MPP2: variants seen among roughly 807,000 people sequenced by gnomAD.
MPP2 encodes MAGUK p55 subfamily member 2.
Under a neutral mutation model 58.5 loss-of-function variants are expected in MPP2, and 42 were observed. The observed-to-expected ratio is 0.72, with a 90% CI of 0.56 to 0.93. The LOEUF is 0.93. MPP2 is among the 40% of genes least tolerant of loss of function. The probability of loss-of-function intolerance (pLI) is 0.00; values close to 1 mark genes in which losing one functional copy is unlikely to be tolerated. For synonymous variants in MPP2, 300 were observed against 307.8 expected, an observed-to-expected ratio of 0.97 and a Z score of 0.26; for missense variants, 632 against 760.4, an observed-to-expected ratio of 0.83 and a Z score of 1.99.
Position 43,897,836 on chromosome 17 carries a change from C to T in MPP2, c.150+426G>A, listed in dbSNP as rs2143735241. 2.0e-5 allele frequency among the ~76,000 whole-genome samples: 3 copies of T among 152,322 alleles called. No individual in the cohort carries two copies. The South Asian group carries it at 6.2e-4, about 32-fold the overall frequency. On this transcript the variant is annotated intron_variant, in intron 3 of 12. Coordinates refer to ENST00000269095, the MANE Select transcript of MPP2 (RefSeq NM_005374.5). Reference sequence around the variant, plus strand: ...CTCCCAAAATGCATAGTGTATCCACCTCTATCACTGTCATTACCAAATTGT... The same window carrying T: ...CTCCCAAAATGCATAGTGTATCCACTTCTATCACTGTCATTACCAAATTGT...
At chr17:43,888,010 A>G (rs1205459914) in intron 3 of MPP2, among the ~76,000 whole-genome samples, 1 of 152,178 alleles carries the variant, frequency 6.6e-6, no homozygotes, top group Non-Finnish European at 1.5e-5. Flanking sequence ...TTGAATGTTG[A>G]AGTGGGGTGC....
Position 43,880,888 on chromosome 17 carries a change from C to A in MPP2, c.989-36G>T. 1.3e-6 allele frequency: 2 copies of A among 1,576,548 alleles called. No homozygotes were observed. The highest frequency in any genetic ancestry group is 1.7e-6 in the Non-Finnish European group (2 of 1,158,804). ...GGAGATGGCGCTGCTCACCAGGCTG[C>A]ACGGTGAGGGAGGGGCGGAGCTCTC... On this transcript the variant is annotated intron_variant, in intron 9 of 12. Coordinates refer to ENST00000269095, the MANE Select transcript of MPP2 (RefSeq NM_005374.5). The surrounding 1 kb of genome is among the most constrained non-coding windows in gnomAD (Gnocchi z 5.2).
At chr17:43,887,898 A>AT in intron 3 of MPP2, among the ~76,000 whole-genome samples, 1 of 152,310 alleles carries the variant, frequency 6.6e-6, no homozygotes, top group East Asian at 1.9e-4. Flanking sequence ...ACAATGAAAC[A>AT]CTTGCAGATA....
At chr17:43,898,541 T>C (rs529312881) in intron 2 of MPP2, among the ~76,000 whole-genome samples, 161 bp from the exon 3 acceptor site, 1 of 101,708 alleles carries the variant, frequency 9.8e-6, no homozygotes, top group South Asian at 3.7e-4. Flanking sequence ...CCCCAGGCCC[T>C]TGAATGCCTG....
At chr17:43,883,625 T>C (rs980252023) in intron 3 of MPP2, among the ~76,000 whole-genome samples, 2 of 152,118 alleles carry the variant, frequency 1.3e-5, no homozygotes, top group African/African-American at 4.8e-5. Flanking sequence ...AGAGGGTCAT[T>C]AGAAGTTACC....
At position 43,896,256 on chromosome 17, in the gene MPP2, G is replaced by A. The variant is rs78812567; in HGVS notation, c.150+2006C>T. Among the ~76,000 whole-genome samples the A allele has an allele frequency of 4.8e-3, 735 of 152,104 alleles. 20 individuals carry two copies. In the East Asian group the frequency reaches 0.056, roughly 12 times the overall value. On this transcript the variant is annotated intron_variant, in intron 3 of 12. Transcript: ENST00000269095. ...TCTCCCCACCCTGACGCCTGCCATA[G>A]CCCTACATGCCAATAGGTGTGTGGA...
rs574486823 is a variant in MPP2 at position 43,881,009 on chromosome 17, G to A, written c.988+81C>T. ...CTGGCAGCATCTGAGCCAGGCACAC[G>A]TCGTCACAGGTGATGGGTGGGGACA... On this transcript the variant is annotated intron_variant, in intron 9 of 12. Coordinates refer to ENST00000269095, the MANE Select transcript of MPP2 (RefSeq NM_005374.5). The A allele has an allele frequency of 9.0e-6, 14 of 1,555,190 alleles. No homozygotes were observed. In the East Asian group the frequency reaches 1.1e-4, roughly 12 times the overall value.
rs776391063 is a variant in MPP2 at position 43,877,793 on chromosome 17, C to G, written c.*14G>C. The G allele has an allele frequency of 2.6e-5, 42 of 1,608,096 alleles. No individual in the cohort carries two copies. Among genetic ancestry groups the G allele is most frequent in the Non-Finnish European group, 8.5e-7 (1 of 1,175,316 alleles). On this transcript the variant is annotated 3_prime_UTR_variant, in exon 13 of 13. Coordinates refer to ENST00000269095, the MANE Select transcript of MPP2 (RefSeq NM_005374.5). ...GTTTCAACACAGAGTGAGCCAAAGACCAGGTGAACAGGCTCAGTACACCCA... is the reference window on the plus strand; with the variant it reads ...GTTTCAACACAGAGTGAGCCAAAGAGCAGGTGAACAGGCTCAGTACACCCA...
intron 1 of MPP2, chr17:43,906,993 G>GCGC (rs2048317638): frequency 5.3e-6 from 1 of 189,246 alleles, no homozygotes; most frequent in Non-Finnish European, 9.8e-6. Flanking sequence ...GAGAAGCAGC[G>GCGC]CGCGCCCTTC....
rs2046998852 is a variant in MPP2 at position 43,879,407 on chromosome 17, C to T, written c.1354-4G>A. ...CCGTTCGTAGCACCTTCACCGCCTG[C>T]AGAAGGAGAAGGCAAGGTAGGGAGT... On this transcript the variant is annotated splice_region_variant and splice_polypyrimidine_tract_variant and intron_variant, in intron 11 of 12. Coordinates refer to ENST00000269095, the MANE Select transcript of MPP2 (RefSeq NM_005374.5). The surrounding 1 kb of genome is among the most constrained non-coding windows in gnomAD (Gnocchi z 4.1). 2 of 1,613,984 alleles carry T rather than the reference C, an allele frequency of 1.2e-6. No individual in the cohort carries two copies. The highest frequency in any genetic ancestry group is 1.7e-6 in the Non-Finnish European group (2 of 1,179,910).
chr17:43,894,746 C>A (rs895158004), intron 3 of MPP2, among the ~76,000 whole-genome samples: 1 of 150,874 alleles, frequency 6.6e-6, no homozygotes, highest in Admixed American at 6.6e-5. Flanking sequence ...CTAGCCTGGA[C>A]AATGTAGCAA....
At position 43,880,088 on chromosome 17, in the gene MPP2, G is replaced by A. The variant is rs746737749; in HGVS notation, c.1151-104C>T. On this transcript the variant is annotated intron_variant, in intron 10 of 12. Transcript: ENST00000269095. This position sits in a 1 kb window ranked among gnomAD's most constrained non-coding sequence, Gnocchi z 5.2. ...CAGGCCCCCGTTTCCCAGCCTTGGAGGTGCAGTCTGCTCCCCATCTTGCCA... is the reference window on the plus strand; with the variant it reads ...CAGGCCCCCGTTTCCCAGCCTTGGAAGTGCAGTCTGCTCCCCATCTTGCCA... 15 of 1,089,190 alleles carry A rather than the reference G, an allele frequency of 1.4e-5. No homozygotes were observed. Among genetic ancestry groups the A allele is most frequent in the Non-Finnish European group, 2.0e-5 (15 of 745,014 alleles). 67.5% of individuals were successfully genotyped at this position (1,089,190 alleles called of 1,614,324 possible).
intron 3 of MPP2, among the ~76,000 whole-genome samples, chr17:43,887,389 A>G (rs1274735012): frequency 3.9e-5 from 6 of 152,218 alleles, no homozygotes; most frequent in Admixed American, 3.3e-4. Flanking sequence ...GGCTCAAAAA[A>G]CAAATTTTTT....
Position 43,879,712 on chromosome 17 carries a change from A to G in MPP2, c.1353+70T>C. 6.4e-7 allele frequency: 1 copy of G among 1,550,426 alleles called. No individual in the cohort carries two copies. The highest frequency in any genetic ancestry group is 8.8e-7 in the Non-Finnish European group (1 of 1,134,364). ...CGTGTTCAGGTGACAGGTGTCTGGA[A>G]CTATATGGGGGAGCAATGAGGCAGC... is the stretch of plus-strand genomic sequence containing the variant. On this transcript the variant is annotated intron_variant, in intron 11 of 12. Transcript: ENST00000269095. This position sits in a 1 kb window ranked among gnomAD's most constrained non-coding sequence, Gnocchi z 4.1.
At chr17:43,883,161 C>T in intron 4 of MPP2, 42 bp downstream of exon 4, 1 of 1,569,996 alleles carries the variant, frequency 6.4e-7, no homozygotes, top group Non-Finnish European at 8.7e-7. Context: ...CCCCAGTCCA[C>T]CCACCTCCTG....
chr17:43,889,431 C>T (rs954019862), intron 3 of MPP2, among the ~76,000 whole-genome samples: 2 of 149,282 alleles, frequency 1.3e-5, no homozygotes, highest in African/African-American at 5.0e-5. Flanking sequence ...GGCACAATCT[C>T]GGCTCACTGC....
At chr17:43,906,127 A>G in intron 1 of MPP2, 1 of 984,940 alleles carries the variant, frequency 1.0e-6, no homozygotes, top group Non-Finnish European at 1.2e-6. Flanking sequence ...AGGGTCAGAG[A>G]AGGGACTCCA....
chr17:43,887,900 T>C (rs1029546057), intron 3 of MPP2, among the ~76,000 whole-genome samples: 14 of 152,180 alleles, frequency 9.2e-5, no homozygotes, highest in African/African-American at 3.4e-4. Flanking sequence ...AATGAAACAC[T>C]TGCAGATACA....
At chr17:43,895,587 G>A (rs1363124024) in intron 3 of MPP2, among the ~76,000 whole-genome samples, 4 of 152,158 alleles carry the variant, frequency 2.6e-5, no homozygotes, top group Non-Finnish European at 5.9e-5. Context: ...AGGCTCTGGG[G>A]ATACTGCAGT....
Sources: allele counts gnomAD v4.1 joint callset (sites outside exome capture counted in the v4.1 genomes callset), GRCh38; gene constraint gnomAD v4.1.1; non-coding constraint Gnocchi (gnomAD v3.1); transcripts MANE v1.5; gene names NCBI Gene and HGNC (gene_info 2026-07-23, HGNC 2026-07-21).